SCAPER: variants seen among roughly 807,000 people sequenced by gnomAD.
SCAPER encodes the protein S phase cyclin A-associated protein in the endoplasmic reticulum.
In SCAPER, 98 loss-of-function variants were observed where a neutral mutation model predicts 182.2. The observed-to-expected ratio is 0.54, with a 90% CI of 0.46 to 0.64. SCAPER has a LOEUF of 0.64. Among genes scored for constraint, SCAPER ranks in the 30% least tolerant of loss-of-function variants. SCAPER has a pLI of 0.00. For missense variants in SCAPER, 1,432 were observed against 1,690.0 expected (o/e 0.85, Z 2.68); for synonymous variants, 605 against 564.6 (o/e 1.07, Z -1.01).
chr15:76,387,888 A>G (rs1033499505), intron 27 of SCAPER, among the ~76,000 whole-genome samples: 2 of 152,244 alleles, frequency 1.3e-5, no homozygotes, highest in African/African-American at 2.4e-5. Flanking sequence ...TTTGTCAACA[A>G]TAAGTGGGAA....
intron 16 of SCAPER, among the ~76,000 whole-genome samples, chr15:76,730,906 T>A (rs980134382): frequency 1.3e-5 from 2 of 152,110 alleles, no homozygotes; most frequent in Non-Finnish European, 2.9e-5. Flanking sequence ...AACTCCAACA[T>A]TGTATGAAAA....
chr15:76,802,842 T>A (rs1441656746), intron 6 of SCAPER, among the ~76,000 whole-genome samples: 1 of 152,214 alleles, frequency 6.6e-6, no homozygotes, highest in African/African-American at 2.4e-5. Context: ...CCATATGACT[T>A]GGCAAGTTTA....
chr15:76,759,836 T>C (rs1293697290), intron 14 of SCAPER, among the ~76,000 whole-genome samples: 1 of 152,186 alleles, frequency 6.6e-6, no homozygotes. Context: ...GGTATGATTG[T>C]AGATGTATTC....
rs566758604 is a variant in SCAPER, at chr15:76,441,008, G to A, written c.3079-6698C>T. Among the ~76,000 whole-genome samples the A allele has an allele frequency of 8.1e-4, 106 of 130,368 alleles. 3 individuals are homozygous for A. In the South Asian group the frequency reaches 0.023, roughly 28 times the overall value. 85.5% of individuals were successfully genotyped at this position (130,368 alleles called of 152,430 possible). A position where few individuals can be genotyped will look rare whatever the true frequency, so the allele number is the denominator to read the frequency against. ...ACGATCTTGGCTCACTGCAAGCTCC[G>A]CCTCCCAGGTTCACGCCATTCTCCC... On this transcript the variant is annotated intron_variant, in intron 25 of 31. Transcript: ENST00000563290.
chr15:76,453,710 TTTG>T (rs1444800366), intron 25 of SCAPER, among the ~76,000 whole-genome samples: 1 of 152,218 alleles, frequency 6.6e-6, no homozygotes, highest in African/African-American at 2.4e-5. Context: ...TAATAACAAT[TTTG>T]TAGGAATATA....
At chr15:76,610,996 T>G (rs2050927434) in intron 22 of SCAPER, among the ~76,000 whole-genome samples, 1 of 152,156 alleles carries the variant, frequency 6.6e-6, no homozygotes. Flanking sequence ...ACTGAAGGCA[T>G]CACACTTCCT....
rs71143333 is a variant in SCAPER at position 76,488,714 on chromosome 15, C to CTTTTTTTTTTTTTTTTTTTTTTTTTTT, written c.2954+16118_2954+16144dup. Reference sequence around the variant, plus strand: ...TTGCATCCTGATAACAGTACACTGCCTTTTTTTTTTTTTTTTTTTTTTTTT... The same window carrying CTTTTTTTTTTTTTTTTTTTTTTTTTTT: ...TTGCATCCTGATAACAGTACACTGCCTTTTTTTTTTTTTTTTTTTTTTTTTTTTTTTTTTTTTTTTTTTTTTTTTTTT... On this transcript the variant is annotated intron_variant, in intron 24 of 31. Transcript: ENST00000563290. 9.2e-4 allele frequency among the ~76,000 whole-genome samples: 86 copies of CTTTTTTTTTTTTTTTTTTTTTTTTTTT among 93,102 alleles called. 7 individuals are homozygous for CTTTTTTTTTTTTTTTTTTTTTTTTTTT. Among genetic ancestry groups the CTTTTTTTTTTTTTTTTTTTTTTTTTTT allele is most frequent in the Non-Finnish European group, 1.2e-3 (61 of 50,560 alleles). The allele number at this position is 93,102 out of a possible 152,430, so 61.1% of individuals were successfully genotyped here.
intron 22 of SCAPER, among the ~76,000 whole-genome samples, chr15:76,612,029 G>A (rs969258576): frequency 3.9e-5 from 6 of 152,086 alleles, no homozygotes; most frequent in South Asian, 2.1e-4. Context: ...CTTGAAAGCC[G>A]GCACAAGACA....
intron 4 of SCAPER, 55 bp from the exon 5 acceptor site, chr15:76,841,986 T>A: frequency 6.8e-7 from 1 of 1,475,458 alleles, no homozygotes; most frequent in South Asian, 1.2e-5. Flanking sequence ...TTCCAGGGAC[T>A]GGATTTTTTA....
At chr15:76,422,431 G>A (rs1412792918) in intron 26 of SCAPER, among the ~76,000 whole-genome samples, 1 of 152,146 alleles carries the variant, frequency 6.6e-6, no homozygotes, top group Non-Finnish European at 1.5e-5. Context: ...GTCTGTTACT[G>A]GAGTATAAGA....
intron 21 of SCAPER, among the ~76,000 whole-genome samples, chr15:76,652,480 G>A (rs1227186865): frequency 4.4e-5 from 5 of 112,894 alleles, no homozygotes; most frequent in Admixed American, 1.0e-4. Context: ...GGTGAACCCC[G>A]TGTCTTTGCT....
At chr15:76,391,376 T>A (rs1354237492) in intron 27 of SCAPER, among the ~76,000 whole-genome samples, 1 of 152,180 alleles carries the variant, frequency 6.6e-6, no homozygotes, top group Admixed American at 6.5e-5. Context: ...TTTTTCCCCA[T>A]TAGACTGTAA....
At position 76,759,169 on chromosome 15, in the gene SCAPER, A is replaced by C. The variant is rs1178143607; in HGVS notation, c.1726-5221T>G. Among the ~76,000 whole-genome samples the C allele has an allele frequency of 4.6e-5, 7 of 152,266 alleles. No individual in the cohort carries two copies. In the South Asian group the frequency reaches 6.2e-4, roughly 14 times the overall value. On this transcript the variant is annotated intron_variant, in intron 14 of 31. Transcript: ENST00000563290. ...ACCAAATCATAGAGAAAAAGCTTTC[A>C]GTTTTTCCCAATTATGATGTTAACT...
chr15:76,442,327 A>G (rs1341817207), intron 25 of SCAPER, among the ~76,000 whole-genome samples: 2 of 152,148 alleles, frequency 1.3e-5, no homozygotes, highest in African/African-American at 4.8e-5. Flanking sequence ...CTACATTTTA[A>G]ATGTCTCTTA....
chr15:76,816,760 C>A (rs1238596605), intron 5 of SCAPER, among the ~76,000 whole-genome samples: 1 of 151,652 alleles, frequency 6.6e-6, no homozygotes, highest in Non-Finnish European at 1.5e-5. Context: ...TCACACCAGT[C>A]TCCTGCCTCA....
intron 18 of SCAPER, among the ~76,000 whole-genome samples, chr15:76,704,574 T>C (rs2147302480): frequency 6.6e-6 from 1 of 152,294 alleles, no homozygotes; most frequent in East Asian, 1.9e-4. Flanking sequence ...ATTTATTAAA[T>C]AGGGAAATCC....
chr15:76,472,054 G>A (rs1307690008), intron 24 of SCAPER: 2 of 274,332 alleles, frequency 7.3e-6, no homozygotes, highest in Non-Finnish European at 1.4e-5. Context: ...TCTGCCTGCT[G>A]CTGCATTCCT....
At chr15:76,720,539 C>T (rs924669432) in intron 17 of SCAPER, among the ~76,000 whole-genome samples, 5 of 152,114 alleles carry the variant, frequency 3.3e-5, no homozygotes, top group African/African-American at 1.2e-4. Context: ...GTTTACAGTC[C>T]CACCAACAGT....
chr15:76,792,541 T>C (rs920284841), intron 8 of SCAPER, among the ~76,000 whole-genome samples: 4 of 152,224 alleles, frequency 2.6e-5, no homozygotes, highest in African/African-American at 9.7e-5. Flanking sequence ...ATCAATTGAA[T>C]ATGGTAAGTG....
Sources: allele counts gnomAD v4.1 joint callset (sites outside exome capture counted in the v4.1 genomes callset), GRCh38; gene constraint gnomAD v4.1.1; transcripts MANE v1.5; gene names NCBI Gene and HGNC (gene_info 2026-07-23, HGNC 2026-07-21).